Variants in MTR observed in about 807,000 individuals in gnomAD.
The protein encoded by MTR is methionine synthase.
Under a neutral mutation model 154.8 loss-of-function variants are expected in MTR, and 84 were observed. That is an observed-to-expected ratio of 0.54 (90% confidence interval 0.45 to 0.65). The LOEUF (loss-of-function observed/expected upper bound fraction) is 0.65, where lower values mean the gene tolerates loss of function less well. Among genes scored for constraint, MTR ranks in the 30% least tolerant of loss-of-function variants. The pLI, the probability that MTR is intolerant of heterozygous loss-of-function variation, is 0.00. For synonymous variants in MTR, 554 were observed against 553.9 expected (o/e 1.00, Z 0.00); for missense variants, 1,275 against 1,570.2 (o/e 0.81, Z 3.18).
intron 22 of MTR, among the ~76,000 whole-genome samples, chr1:236,869,737 G>A (rs1665020991): frequency 6.6e-6 from 1 of 152,136 alleles, no homozygotes; most frequent in Non-Finnish European, 1.5e-5. Context: ...TGGGAAGAAT[G>A]GTAGCAGGCA....
intron 13 of MTR, 89 bp from the exon 14 acceptor site, chr1:236,835,458 A>T (rs2103147742): frequency 6.6e-7 from 1 of 1,525,446 alleles, no homozygotes; most frequent in South Asian, 1.1e-5. Context: ...AATTTGAAGG[A>T]TTGCTGGGAA....
chr1:236,865,037 A>G (rs1664749013), intron 22 of MTR, among the ~76,000 whole-genome samples: 1 of 152,194 alleles, frequency 6.6e-6, no homozygotes, highest in East Asian at 1.9e-4. Flanking sequence ...CTTAGCTGAG[A>G]GTATTATACT....
At chr1:236,811,718 C>T (rs765069619) in intron 5 of MTR, 7 of 455,598 alleles carry the variant, frequency 1.5e-5, no homozygotes, top group Non-Finnish European at 2.2e-5. Flanking sequence ...CTTCACTTAA[C>T]GTCATTGGCA....
intron 28 of MTR, among the ~76,000 whole-genome samples, chr1:236,890,231 G>A (rs1198182599): frequency 6.6e-6 from 1 of 152,156 alleles, no homozygotes; most frequent in Non-Finnish European, 1.5e-5. Flanking sequence ...TGAGCAAGGG[G>A]CTTCTTAGTG....
At chr1:236,845,536 T>G (rs1308427232) in intron 15 of MTR, among the ~76,000 whole-genome samples, 1 of 152,230 alleles carries the variant, frequency 6.6e-6, no homozygotes, top group Non-Finnish European at 1.5e-5. Context: ...TTCATAATCT[T>G]ATTTCTGGGA....
intron 29 of MTR, 73 bp from the exon 30 acceptor site, chr1:236,894,284 C>G (rs972384667): frequency 2.9e-5 from 41 of 1,425,418 alleles, no homozygotes; most frequent in African/African-American, 7.0e-5. Flanking sequence ...TACCCGATTG[C>G]TCTTCATGGT....
intron 8 of MTR, chr1:236,819,600 C>G (rs1279375934): frequency 2.5e-5 from 11 of 445,808 alleles, no homozygotes; most frequent in Non-Finnish European, 4.6e-5. Flanking sequence ...CGGCGTTGTT[C>G]TGGATTCCCA....
intron 15 of MTR, among the ~76,000 whole-genome samples, chr1:236,847,689 A>G (rs1166947761): frequency 1.3e-5 from 2 of 152,208 alleles, no homozygotes; most frequent in East Asian, 3.8e-4. Flanking sequence ...AGGGGCTTTT[A>G]CAAAACACTT....
intron 15 of MTR, among the ~76,000 whole-genome samples, chr1:236,842,585 C>T (rs1243332954): frequency 2.0e-5 from 3 of 151,778 alleles, no homozygotes; most frequent in African/African-American, 4.8e-5. Flanking sequence ...TCTGAATGCT[C>T]CTTTTAAAAA....
intron 8 of MTR, among the ~76,000 whole-genome samples, chr1:236,818,269 C>T (rs146849057): frequency 1.6e-4 from 25 of 152,298 alleles, no homozygotes; most frequent in African/African-American, 6.0e-4. Flanking sequence ...TATTGGTTCA[C>T]ATTCTAATAG....
intron 18 of MTR, among the ~76,000 whole-genome samples, chr1:236,855,691 A>G (rs776373253): frequency 2.5e-4 from 38 of 152,216 alleles, no homozygotes; most frequent in Non-Finnish European, 7.3e-5. Context: ...AAGCAACTCT[A>G]GAGTGGGAAG....
Position 236,894,480 on chromosome 1 carries a change from C to CTGAGCA in MTR, c.3329_3334dup (p.Ser1111_Lys1112insMetSer). The CTGAGCA allele has an allele frequency of 6.2e-7, 1 of 1,614,146 alleles. No homozygotes were observed. The highest frequency in any genetic ancestry group is 8.5e-7 in the Non-Finnish European group (1 of 1,180,040). On this transcript the variant is annotated inframe_insertion, in exon 30 of 33. Transcript: ENST00000366577. ...CGTTGCCTGCTTTGGGGTAGAAGAGCTGAGCAAGGCCTATGAGGATGATGG... is the reference window on the plus strand; with the variant it reads ...CGTTGCCTGCTTTGGGGTAGAAGAGCTGAGCATGAGCAAGGCCTATGAGGATGATGG...
chr1:236,808,979 G>A (rs532493646), intron 4 of MTR, among the ~76,000 whole-genome samples: 2 of 152,310 alleles, frequency 1.3e-5, no homozygotes, highest in South Asian at 4.1e-4. Flanking sequence ...CAACTCTGTG[G>A]TCCTTGGGCT....
At chr1:236,895,616 G>T (rs1666582393) in intron 31 of MTR, 66 bp downstream of exon 31, 1 of 1,493,112 alleles carries the variant, frequency 6.7e-7, no homozygotes, top group East Asian at 2.5e-5. Flanking sequence ...CAGCATACTG[G>T]CACTTAGGGT....
chr1:236,801,277 A>C (rs1347853898), intron 1 of MTR, among the ~76,000 whole-genome samples: 1 of 152,234 alleles, frequency 6.6e-6, no homozygotes, highest in Non-Finnish European at 1.5e-5. Context: ...CTGCAAGTTC[A>C]GTAAACACAA....
At chr1:236,852,423 G>GTTTTTTTTT in intron 16 of MTR, 98 bp from the exon 17 acceptor site, 1 of 875,646 alleles carries the variant, frequency 1.1e-6, no homozygotes, top group South Asian at 1.4e-5. Flanking sequence ...GATGCTTTTT[G>GTTTTTTTTT]TTTTTTTTTC....
At chr1:236,798,766 T>C (rs1428074573) in intron 1 of MTR, among the ~76,000 whole-genome samples, 1 of 152,256 alleles carries the variant, frequency 6.6e-6, no homozygotes, top group African/African-American at 2.4e-5. Flanking sequence ...TAGTTAAGTA[T>C]ACAGAATGTT....
chr1:236,818,359 G>C (rs533975959), intron 8 of MTR, among the ~76,000 whole-genome samples: 12 of 152,154 alleles, frequency 7.9e-5, no homozygotes, highest in African/African-American at 2.9e-4. Flanking sequence ...GTGTTGTCCT[G>C]GGTGTCACTG....
chr1:236,811,248 A>G (rs1260565434), intron 5 of MTR, among the ~76,000 whole-genome samples: 1 of 152,164 alleles, frequency 6.6e-6, no homozygotes, highest in Admixed American at 6.5e-5. Context: ...ACCTGCCCCC[A>G]TGATTCAATT....
Sources: gnomAD v4.1 joint callset for allele counts (sites outside exome capture counted in the v4.1 genomes callset) on GRCh38, gnomAD v4.1.1 for gene constraint, MANE v1.5 for transcripts, NCBI Gene and HGNC (gene_info 2026-07-23, HGNC 2026-07-21) for gene names.